The following ATP6V1E2 variants were observed in gnomAD, a reference collection of about 807,000 sequenced individuals.
ATP6V1E2 encodes V-type proton ATPase subunit E 2.
For missense variants in ATP6V1E2, 308 were observed against 273.3 expected (o/e 1.13, Z -0.90); for synonymous variants, 121 against 104.2 (o/e 1.16, Z -0.98).
chr2:46,521,912 G>A (rs1311730800), intron 4 of ATP6V1E2, among the ~76,000 whole-genome samples: 3 of 148,542 alleles, frequency 2.0e-5, no homozygotes, highest in Admixed American at 6.7e-5. Context: ...GGATGGTCTC[G>A]ATCTCCTGAC....
intron 1 of ATP6V1E2, 118 bp downstream of exon 1, chr2:46,542,099 C>T (rs1221449109): frequency 6.6e-6 from 1 of 151,768 alleles, no homozygotes; most frequent in Non-Finnish European, 1.5e-5. Context: ...GCTCGTGCTA[C>T]GGAAGGCGTG....
At chr2:46,540,476 C>G (rs1424748233) in intron 2 of ATP6V1E2, among the ~76,000 whole-genome samples, 1 of 150,292 alleles carries the variant, frequency 6.7e-6, no homozygotes, top group Non-Finnish European at 1.5e-5. Context: ...AGAAATTTCA[C>G]TGTTCTCACA....
intron 4 of ATP6V1E2, among the ~76,000 whole-genome samples, chr2:46,528,204 C>T (rs1324782733): frequency 6.6e-6 from 1 of 152,158 alleles, no homozygotes; most frequent in African/African-American, 2.4e-5. Flanking sequence ...TTCCAGTTTA[C>T]AATGAAAAAT....
At chr2:46,525,899 C>CA (rs71394899) in intron 4 of ATP6V1E2, among the ~76,000 whole-genome samples, 5,295 of 127,848 alleles carry the variant, frequency 0.041, 139 homozygotes, top group Non-Finnish European at 0.053. Flanking sequence ...GCAGTTTCTC[C>CA]AAAAAAAAAA....
intron 2 of ATP6V1E2, among the ~76,000 whole-genome samples, chr2:46,538,596 T>A (rs949031250): frequency 6.3e-4 from 96 of 152,024 alleles, no homozygotes; most frequent in Non-Finnish European, 7.9e-4. Flanking sequence ...ACAGATGGCC[T>A]GTTTACTCTC....
chr2:46,529,730 TG>T (rs1202409547), intron 4 of ATP6V1E2, among the ~76,000 whole-genome samples: 2 of 152,118 alleles, frequency 1.3e-5, no homozygotes, highest in Non-Finnish European at 2.9e-5. Context: ...CACTCCAGCC[TG>T]GGTAACAGAG....
chr2:46,515,595 G>C (rs60426488), intron 4 of ATP6V1E2, among the ~76,000 whole-genome samples: 9,606 of 152,044 alleles, frequency 0.063, 865 homozygotes, highest in African/African-American at 0.2. Flanking sequence ...GATAGCAAGA[G>C]AGGAAAAGAG....
Position 46,523,726 on chromosome 2 carries a change from T to G in ATP6V1E2, c.-101-10914A>C, listed in dbSNP as rs57596928. Among the ~76,000 whole-genome samples the G allele has an allele frequency of 2.7e-3, 414 of 152,306 alleles. 3 individuals carry two copies. The highest frequency in any genetic ancestry group is 9.6e-3 in the African/African-American group (398 of 41,530). ...CTTGGCTATATGGGGTCTTCTTTGA[T>G]TCCATATAAAATTTAAAATAGTTTT... On this transcript the variant is annotated intron_variant, in intron 4 of 4. Coordinates refer to ENST00000522587, the MANE Select transcript of ATP6V1E2 (RefSeq NM_001318063.2).
chr2:46,533,782 T>C (rs983481801), intron 4 of ATP6V1E2, among the ~76,000 whole-genome samples: 5 of 152,226 alleles, frequency 3.3e-5, no homozygotes, highest in Admixed American at 6.5e-5. Context: ...CCTTTTGTTG[T>C]CTGACAAACA....
At chr2:46,524,975 A>G (rs1666821718) in intron 4 of ATP6V1E2, among the ~76,000 whole-genome samples, 1 of 152,142 alleles carries the variant, frequency 6.6e-6, no homozygotes, top group South Asian at 2.1e-4. Flanking sequence ...CAGGAAGATC[A>G]GCCTGGGGGT....
At chr2:46,525,583 C>G (rs889445015) in intron 4 of ATP6V1E2, among the ~76,000 whole-genome samples, 1 of 151,532 alleles carries the variant, frequency 6.6e-6, no homozygotes, top group African/African-American at 2.4e-5. Flanking sequence ...TAACAGGAGA[C>G]ACCTGGAGAG....
chr2:46,518,758 TTGTGTG>T (rs70940621), intron 4 of ATP6V1E2, among the ~76,000 whole-genome samples: 3,289 of 140,538 alleles, frequency 0.023, 46 homozygotes, highest in Middle Eastern at 0.053. Context: ...CAAGTCAATT[TTGTGTG>T]TGTGTGTGTG....
At chr2:46,541,656 C>T (rs1363930046) in intron 1 of ATP6V1E2, 2 of 152,252 alleles carry the variant, frequency 1.3e-5, no homozygotes, top group Non-Finnish European at 2.9e-5. Context: ...CGCTGTGAAT[C>T]GATGAAAGGA....
intron 4 of ATP6V1E2, among the ~76,000 whole-genome samples, chr2:46,528,529 C>CT (rs554006874): frequency 1.4e-3 from 212 of 152,316 alleles, no homozygotes; most frequent in Admixed American, 4.2e-3. Context: ...AGGATGGTGA[C>CT]TCCTCCAGGG....
rs770316665 is a variant in ATP6V1E2 at position 46,512,161 on chromosome 2, T to C, written c.551A>G (p.Tyr184Cys). Residue 184 changes from tyrosine (Y) to cysteine (C), a missense_variant, in exon 5 of 5, where the codon TAC becomes TGC. Coordinates refer to ENST00000522587, the MANE Select transcript of ATP6V1E2 (RefSeq NM_001318063.2). ...AACCTTTATTCTCTGATTGCCACTG[T>C]AGACCTCCACACCTCCAGCTGCATT... ...AVNAAGGVEV[Y>C]SGNQRIKVSN... 3.7e-6 allele frequency: 6 copies of C among 1,614,100 alleles called. No individual in the cohort carries two copies. In the African/African-American group the frequency reaches 5.3e-5, roughly 14 times the overall value.
chr2:46,512,926 G>A (rs890860330), intron 4 of ATP6V1E2, 114 bp from the exon 5 acceptor site: 4 of 515,234 alleles, frequency 7.8e-6, no homozygotes, highest in Non-Finnish European at 1.4e-5. Flanking sequence ...TCCAGAGAAG[G>A]AACACAATTT....
At chr2:46,540,258 A>G (rs545958783) in intron 2 of ATP6V1E2, among the ~76,000 whole-genome samples, 3 of 151,882 alleles carry the variant, frequency 2.0e-5, no homozygotes, top group South Asian at 2.1e-4. Context: ...CCCGCTCTGC[A>G]AAAAAATACA....
chr2:46,540,972 C>T (rs1216652830), intron 2 of ATP6V1E2, among the ~76,000 whole-genome samples: 2 of 152,178 alleles, frequency 1.3e-5, no homozygotes, highest in Non-Finnish European at 2.9e-5. Flanking sequence ...GATGAGAAAA[C>T]GGAGGCCCAG....
intron 2 of ATP6V1E2, among the ~76,000 whole-genome samples, chr2:46,540,446 A>AAAG (rs1467045431): frequency 6.6e-6 from 1 of 150,560 alleles, no homozygotes; most frequent in Non-Finnish European, 1.5e-5. Flanking sequence ...CAAAAAAAAA[A>AAAG]AAAAGAAAGA....
Sources: allele counts gnomAD v4.1 joint callset (sites outside exome capture counted in the v4.1 genomes callset), GRCh38; gene constraint gnomAD v4.1.1; transcripts MANE v1.5; gene names NCBI Gene and HGNC (gene_info 2026-07-23, HGNC 2026-07-21).